Variants in EPHB1 observed in about 807,000 individuals in gnomAD.
EPHB1 encodes the protein EPH receptor B1, also known as ephrin type-B receptor 1.
A neutral mutation model predicts 94.4 loss-of-function variants in EPHB1; 30 were observed. The ratio of observed to expected loss-of-function variants is 0.32; its 90% CI spans 0.24 to 0.43. The LOEUF (loss-of-function observed/expected upper bound fraction) is 0.43. Ranked by LOEUF, EPHB1 falls within the 20% of genes least tolerant of loss-of-function variation. EPHB1 has a pLI of 1.00. For synonymous variants in EPHB1, 522 were observed against 489.1 expected, an observed-to-expected ratio of 1.07 and a Z score of -0.89; for missense variants, 1,055 against 1,308.3, an observed-to-expected ratio of 0.81 and a Z score of 2.99.
intron 12 of EPHB1, among the ~76,000 whole-genome samples, chr3:135,240,094 T>A (rs993318158): frequency 3.3e-5 from 5 of 152,168 alleles, no homozygotes; most frequent in African/African-American, 1.2e-4. Context: ...CTTCCCTGTG[T>A]TGGGGAGTCT....
At chr3:134,898,223 A>G (rs2038124425) in intron 1 of EPHB1, among the ~76,000 whole-genome samples, 1 of 152,056 alleles carries the variant, frequency 6.6e-6, no homozygotes, top group Non-Finnish European at 1.5e-5. Context: ...TATAAGTTAC[A>G]CTTTTATATT....
chr3:135,253,198 C>A (rs1272553038), intron 15 of EPHB1, among the ~76,000 whole-genome samples: 1 of 150,530 alleles, frequency 6.6e-6, no homozygotes, highest in Admixed American at 6.6e-5. Flanking sequence ...TTTTGCTGTG[C>A]AGAAGCTCTT....
At chr3:134,916,590 G>T (rs958796991) in intron 1 of EPHB1, among the ~76,000 whole-genome samples, 2 of 152,252 alleles carry the variant, frequency 1.3e-5, no homozygotes, top group Admixed American at 6.5e-5. Flanking sequence ...ACCCTCCGCA[G>T]CTGCTGGCCC....
At chr3:135,019,640 T>G (rs754793265) in intron 3 of EPHB1, among the ~76,000 whole-genome samples, 5 of 152,206 alleles carry the variant, frequency 3.3e-5, no homozygotes, top group Non-Finnish European at 5.9e-5. Context: ...GGGATCACAT[T>G]GTAAGCAATT....
chr3:134,920,080 G>A (rs2038652990), intron 1 of EPHB1, among the ~76,000 whole-genome samples: 1 of 152,074 alleles, frequency 6.6e-6, no homozygotes. Context: ...CTAGTTGCAT[G>A]GTTATTGGAA....
At position 134,872,157 on chromosome 3, in the gene EPHB1, G is replaced by A. The variant is rs1578157049; in HGVS notation, c.59-53659G>A. 2.6e-5 allele frequency among the ~76,000 whole-genome samples: 4 copies of A among 152,260 alleles called. No individual in the cohort carries two copies. In the East Asian group the frequency reaches 7.7e-4, roughly 29 times the overall value. ...GCCTCACCTGATGTCTGAGAATAAG[G>A]GACAACCTCTCACAACAAATTGACA... On this transcript the variant is annotated intron_variant, in intron 1 of 15. Coordinates refer to ENST00000398015, the MANE Select transcript of EPHB1 (RefSeq NM_004441.5).
rs563466184 is a variant in EPHB1, at chr3:135,259,962, A to G, written c.*842A>G. ...CTAGGAAATCCAAAGGGGCTGGAAT[A>G]TGGTGTTGGTTTGGCTTTCTGGTTG... On this transcript the variant is annotated 3_prime_UTR_variant, in exon 16 of 16. Transcript: ENST00000398015. 5.6e-5 allele frequency: 13 copies of G among 231,290 alleles called. No homozygotes were observed. Among genetic ancestry groups the G allele is most frequent in the African/African-American group, 2.9e-4 (13 of 45,332 alleles). The allele number at this position is 231,290 out of a possible 1,614,324, so 14.3% of individuals were successfully genotyped here.
chr3:135,092,264 A>G (rs1938582063), intron 3 of EPHB1, among the ~76,000 whole-genome samples: 1 of 152,138 alleles, frequency 6.6e-6, no homozygotes, highest in Non-Finnish European at 1.5e-5. Flanking sequence ...CTAGCACCCA[A>G]GAAGGATAAA....
At chr3:134,864,218 C>T (rs537954549) in intron 1 of EPHB1, among the ~76,000 whole-genome samples, 1 of 152,314 alleles carries the variant, frequency 6.6e-6, no homozygotes, top group South Asian at 2.1e-4. Flanking sequence ...TATTCACCTC[C>T]TTTCTTTTCA....
intron 3 of EPHB1, among the ~76,000 whole-genome samples, chr3:135,090,269 C>T (rs1938509506): frequency 6.6e-6 from 1 of 152,170 alleles, no homozygotes; most frequent in African/African-American, 2.4e-5. Context: ...CTCCCTATTC[C>T]AGAACCTGCA....
intron 9 of EPHB1, among the ~76,000 whole-genome samples, chr3:135,178,229 G>GGGGGC (rs1553744909): frequency 6.7e-6 from 1 of 148,314 alleles, no homozygotes; most frequent in Admixed American, 6.7e-5. Context: ...CGGGGAGGGG[G>GGGGGC]GGTGGATCAT....
chr3:135,103,837 C>T (rs533494492), intron 3 of EPHB1, among the ~76,000 whole-genome samples: 1 of 152,302 alleles, frequency 6.6e-6, no homozygotes, highest in South Asian at 2.1e-4. Context: ...TCCACTTCCT[C>T]CTCTCATGGA....
chr3:135,129,556 G>A (rs1940345532), intron 4 of EPHB1, among the ~76,000 whole-genome samples: 1 of 152,204 alleles, frequency 6.6e-6, no homozygotes, highest in African/African-American at 2.4e-5. Context: ...AAACCAGGTG[G>A]GAGGGCAAAG....
chr3:135,243,624 C>T (rs1943848054), intron 13 of EPHB1, among the ~76,000 whole-genome samples: 2 of 152,200 alleles, frequency 1.3e-5, no homozygotes, highest in Non-Finnish European at 2.9e-5. Flanking sequence ...CCAGGAGGGG[C>T]TCCCAGCTGC....
chr3:135,201,617 C>T lies in EPHB1; in HGVS notation c.2274C>T (p.Cys758=), dbSNP rs1307394824. The T allele has an allele frequency of 1.2e-6, 2 of 1,613,890 alleles. No individual in the cohort carries two copies. The highest frequency in any genetic ancestry group is 2.7e-5 in the African/African-American group (2 of 74,874). ...RNILVNSNLV[C]KVSDFGLSRY... ...TTCTGGTCAACAGTAACCTGGTGTG[C>T]AAGGTGTCCGACTTTGGCCTCTCCC... Residue 758 remains cysteine, a synonymous_variant, in exon 12 of 16, where the codon TGC becomes TGT. Coordinates refer to ENST00000398015, the MANE Select transcript of EPHB1 (RefSeq NM_004441.5).
chr3:134,992,403 A>G (rs1934840301), intron 3 of EPHB1, among the ~76,000 whole-genome samples: 1 of 152,222 alleles, frequency 6.6e-6, no homozygotes, highest in African/African-American at 2.4e-5. Flanking sequence ...TGCTGGTCCC[A>G]GGACGACATT....
At chr3:134,972,983 C>T (rs1934036161) in intron 3 of EPHB1, among the ~76,000 whole-genome samples, 1 of 152,220 alleles carries the variant, frequency 6.6e-6, no homozygotes, top group Admixed American at 6.5e-5. Context: ...CTCAGCTGCC[C>T]ATCTCTGGCC....
chr3:135,209,036 T>C (rs1176731401), intron 12 of EPHB1, among the ~76,000 whole-genome samples: 1 of 152,154 alleles, frequency 6.6e-6, no homozygotes, highest in Non-Finnish European at 1.5e-5. Context: ...CCTCCAAATC[T>C]GGATAATTTG....
In EPHB1 at chr3:135,166,946, C is replaced by G. The variant is rs757743061; in HGVS notation, c.1699C>G (p.Arg567Gly). 2 of 1,614,036 alleles carry G rather than the reference C, an allele frequency of 1.2e-6. No homozygotes were observed. The highest frequency in any genetic ancestry group is 1.7e-5 in the Admixed American group (1 of 59,998). The change falls in exon 9 of 16, where the codon CGG becomes GGG. Residue 567 changes from arginine (R) to glycine (G), a missense_variant. By Grantham distance (125) the Arg-to-Gly change is moderately radical. Coordinates refer to ENST00000398015, the MANE Select transcript of EPHB1 (RefSeq NM_004441.5). Reference protein sequence around the residue: ...VAISIVCSRKRAYSKEAVYSD... With the variant: ...VAISIVCSRKGAYSKEAVYSD... Reference sequence around the variant, plus strand: ...AGCCCCTCTTTTTATCCACAGGAAACGGGCTTATAGCAAAGAGGCTGTGTA... The same window carrying G: ...AGCCCCTCTTTTTATCCACAGGAAAGGGGCTTATAGCAAAGAGGCTGTGTA...
Sources: allele counts gnomAD v4.1 joint callset (sites outside exome capture counted in the v4.1 genomes callset), GRCh38; gene constraint gnomAD v4.1.1; transcripts MANE v1.5; gene names NCBI Gene and HGNC (gene_info 2026-07-23, HGNC 2026-07-21).